The following FAM227B variants were observed in gnomAD, a reference collection of about 807,000 sequenced individuals.
The protein encoded by FAM227B is family with sequence similarity 227 member B, also known as protein FAM227B.
In FAM227B, 88 loss-of-function variants were observed where a neutral mutation model predicts 73.8. That is an observed-to-expected ratio of 1.19 (90% confidence interval 1.00 to 1.42). The LOEUF is 1.42. Ranked by LOEUF, FAM227B falls within the 40% of genes most tolerant of loss-of-function variation. FAM227B has a pLI of 0.00. For synonymous variants in FAM227B, 210 were observed against 190.5 expected (o/e 1.10, Z -0.84); for missense variants, 632 against 590.9 (o/e 1.07, Z -0.72).
chr15:49,380,674 T>C (rs2046465700), intron 11 of FAM227B, among the ~76,000 whole-genome samples: 1 of 152,194 alleles, frequency 6.6e-6, no homozygotes, highest in Non-Finnish European at 1.5e-5. Flanking sequence ...TTGGCTCATT[T>C]AACATCCACT....
At chr15:49,352,285 CA>C in intron 13 of FAM227B, among the ~76,000 whole-genome samples, 1 of 152,322 alleles carries the variant, frequency 6.6e-6, no homozygotes, top group Non-Finnish European at 1.5e-5. Flanking sequence ...TGAGGAATTA[CA>C]AAAGACTGTT....
At chr15:49,479,119 A>C (rs1377230901) in intron 11 of FAM227B, among the ~76,000 whole-genome samples, 4 of 152,210 alleles carry the variant, frequency 2.6e-5, no homozygotes, top group Non-Finnish European at 5.9e-5. Context: ...CATAGTCTCT[A>C]GTGTGTAAGG....
At chr15:49,379,988 C>G (rs2046417266) in intron 11 of FAM227B, among the ~76,000 whole-genome samples, 1 of 152,188 alleles carries the variant, frequency 6.6e-6, no homozygotes, top group African/African-American at 2.4e-5. Flanking sequence ...GTTGAGGTAC[C>G]CCAGGCCCTG....
In FAM227B at chr15:49,541,811, C is replaced by A. The variant is rs2152272907; in HGVS notation, c.748-5G>T. Reference sequence around the variant, plus strand: ...TGCCAAACAATCAGGATATATCTACCAAAATAAAATCAAATTAGATTAATT... The same window carrying A: ...TGCCAAACAATCAGGATATATCTACAAAAATAAAATCAAATTAGATTAATT... On this transcript the variant is annotated splice_polypyrimidine_tract_variant and splice_region_variant and intron_variant, in intron 9 of 15. Coordinates refer to ENST00000299338, the MANE Select transcript of FAM227B (RefSeq NM_152647.3). 1.4e-6 allele frequency: 2 copies of A among 1,394,508 alleles called. No homozygotes were observed. The highest frequency in any genetic ancestry group is 2.8e-5 in the Admixed American group (1 of 36,228). 86.4% of individuals were successfully genotyped at this position (1,394,508 alleles called of 1,614,324 possible).
At chr15:49,391,241 C>A (rs1342176545) in intron 11 of FAM227B, among the ~76,000 whole-genome samples, 1 of 152,088 alleles carries the variant, frequency 6.6e-6, no homozygotes, top group African/African-American at 2.4e-5. Context: ...TTTATTCACA[C>A]ATTTCTTTAA....
At chr15:49,461,382 T>C (rs1173051298) in intron 11 of FAM227B, among the ~76,000 whole-genome samples, 1 of 152,208 alleles carries the variant, frequency 6.6e-6, no homozygotes, top group African/African-American at 2.4e-5. Flanking sequence ...TTATGCAGAT[T>C]TGAAAAACAT....
At chr15:49,411,679 C>G (rs572415816) in intron 11 of FAM227B, among the ~76,000 whole-genome samples, 13 of 152,082 alleles carry the variant, frequency 8.5e-5, no homozygotes, top group African/African-American at 3.1e-4. Flanking sequence ...TTTATTTATT[C>G]AAGGCAAAAA....
At chr15:49,471,221 C>T (rs2054712614) in intron 11 of FAM227B, among the ~76,000 whole-genome samples, 1 of 151,348 alleles carries the variant, frequency 6.6e-6, no homozygotes, top group African/African-American at 2.4e-5. Context: ...TACAGTGACT[C>T]GTGCCTGTAA....
chr15:49,394,190 C>T (rs2047410344), intron 11 of FAM227B, among the ~76,000 whole-genome samples: 1 of 152,032 alleles, frequency 6.6e-6, no homozygotes, highest in African/African-American at 2.4e-5. Context: ...TAAAATGATA[C>T]CATCAACACC....
intron 10 of FAM227B, among the ~76,000 whole-genome samples, chr15:49,517,097 T>C (rs927126349): frequency 6.6e-6 from 1 of 152,222 alleles, no homozygotes; most frequent in African/African-American, 2.4e-5. Context: ...AACTGTAAGA[T>C]ATACATTTGT....
At chr15:49,451,216 A>G (rs1272397080) in intron 11 of FAM227B, among the ~76,000 whole-genome samples, 1 of 152,152 alleles carries the variant, frequency 6.6e-6, no homozygotes, top group Non-Finnish European at 1.5e-5. Flanking sequence ...TAAAATTTTA[A>G]CCAATTAGAG....
At chr15:49,392,074 A>G (rs926389273) in intron 11 of FAM227B, among the ~76,000 whole-genome samples, 2 of 152,214 alleles carry the variant, frequency 1.3e-5, no homozygotes, top group South Asian at 2.1e-4. Flanking sequence ...TTAACAGTCA[A>G]TTATGACCAA....
chr15:49,354,895 G>C (rs1474687971), intron 13 of FAM227B, among the ~76,000 whole-genome samples: 1 of 152,072 alleles, frequency 6.6e-6, no homozygotes, highest in Admixed American at 6.5e-5. Flanking sequence ...GGAGATCTGA[G>C]AACGGGCAGA....
chr15:49,550,363 G>A (rs2072763073), intron 9 of FAM227B, among the ~76,000 whole-genome samples: 1 of 150,856 alleles, frequency 6.6e-6, no homozygotes, highest in Non-Finnish European at 1.5e-5. Context: ...TCCCGGACGG[G>A]GCGGCTGGCC....
chr15:49,346,049 TTA>T (rs1263632414), intron 13 of FAM227B, among the ~76,000 whole-genome samples: 1 of 101,670 alleles, frequency 9.8e-6, no homozygotes, highest in Non-Finnish European at 2.3e-5. Context: ...CTTGCTTTTG[TTA>T]TTTTTTTTTT....
chr15:49,469,363 T>C (rs2054539889), intron 11 of FAM227B, among the ~76,000 whole-genome samples: 1 of 152,164 alleles, frequency 6.6e-6, no homozygotes, highest in Non-Finnish European at 1.5e-5. Flanking sequence ...TTTAATTCTA[T>C]TTCTACTTGA....
chr15:49,440,380 T>G (rs926220568), intron 11 of FAM227B, among the ~76,000 whole-genome samples: 16 of 151,646 alleles, frequency 1.1e-4, no homozygotes, highest in African/African-American at 3.6e-4. Flanking sequence ...TCCAAAGTAT[T>G]TATAGTGAAA....
chr15:49,455,606 C>T (rs1021628534), intron 11 of FAM227B, among the ~76,000 whole-genome samples: 6 of 152,154 alleles, frequency 3.9e-5, no homozygotes, highest in African/African-American at 1.2e-4. Flanking sequence ...AGATAAAAGT[C>T]TTTAAAGAAA....
intron 11 of FAM227B, among the ~76,000 whole-genome samples, chr15:49,481,456 A>G (rs1042554648): frequency 4.6e-5 from 7 of 152,232 alleles, no homozygotes; most frequent in Non-Finnish European, 1.0e-4. Flanking sequence ...CTAAAAGGGC[A>G]AGGCTTGTCT....
Sources: gnomAD v4.1 joint callset for allele counts (sites outside exome capture counted in the v4.1 genomes callset) on GRCh38, gnomAD v4.1.1 for gene constraint, MANE v1.5 for transcripts, NCBI Gene and HGNC (gene_info 2026-07-23, HGNC 2026-07-21) for gene names.